ADGRL2: variants seen among roughly 807,000 people sequenced by gnomAD.
ADGRL2 encodes adhesion G protein-coupled receptor L2.
A neutral mutation model predicts 157.4 loss-of-function variants in ADGRL2; 44 were observed. The observed-to-expected ratio is 0.28, with a 90% CI of 0.22 to 0.36. ADGRL2 has a LOEUF of 0.36. ADGRL2 is among the 10% of genes least tolerant of loss of function. The pLI is 1.00. For synonymous variants in ADGRL2, 585 were observed against 624.7 expected (o/e 0.94, Z 0.95); for missense variants, 1,510 against 1,768.9 (o/e 0.85, Z 2.63).
intron 2 of ADGRL2, among the ~76,000 whole-genome samples, chr1:81,464,637 C>T (rs1399041834): frequency 6.6e-6 from 1 of 152,056 alleles, no homozygotes. Context: ...GTGCAGTGCC[C>T]ATCTGAGTTA....
chr1:81,408,981 G>C (rs1187813362), intron 1 of ADGRL2, among the ~76,000 whole-genome samples: 1 of 152,182 alleles, frequency 6.6e-6, no homozygotes, highest in African/African-American at 2.4e-5. Flanking sequence ...CTCCAGTTCT[G>C]TTAGAAGCAA....
intron 1 of ADGRL2, among the ~76,000 whole-genome samples, chr1:81,747,701 TTGTGTGTG>T (rs10556401): frequency 0.068 from 9,944 of 147,308 alleles, 398 homozygotes; most frequent in South Asian, 0.14. Context: ...CCTTTAATGT[TTGTGTGTG>T]TGTGTGTGTG....
At chr1:81,804,172 T>G (rs2088758423) in intron 1 of ADGRL2, among the ~76,000 whole-genome samples, 1 of 152,206 alleles carries the variant, frequency 6.6e-6, no homozygotes, top group South Asian at 2.1e-4. Context: ...TGAGAAACCC[T>G]TTAAAAGAAA....
At chr1:81,728,698 A>G (rs1396285398) in intron 1 of ADGRL2, among the ~76,000 whole-genome samples, 1 of 152,052 alleles carries the variant, frequency 6.6e-6, no homozygotes, top group Non-Finnish European at 1.5e-5. Flanking sequence ...CTCGCCGAGC[A>G]TCTGCTTTTA....
At chr1:81,905,286 G>A (rs1448414680) in intron 2 of ADGRL2, among the ~76,000 whole-genome samples, 2 of 151,920 alleles carry the variant, frequency 1.3e-5, no homozygotes, top group African/African-American at 2.4e-5. Context: ...TAGTAGAGAT[G>A]GGGTTTCACC....
At chr1:81,419,254 A>G (rs1283371768) in intron 1 of ADGRL2, among the ~76,000 whole-genome samples, 2 of 152,142 alleles carry the variant, frequency 1.3e-5, no homozygotes, top group Non-Finnish European at 2.9e-5. Flanking sequence ...CCCAGTCTGG[A>G]GTGCAGTGGC....
chr1:81,316,772 G>A (rs1326717083), intron 1 of ADGRL2, among the ~76,000 whole-genome samples: 4 of 152,270 alleles, frequency 2.6e-5, no homozygotes, highest in Admixed American at 2.6e-4. Context: ...TGTCTTTGCT[G>A]TGTATGTATG....
intron 1 of ADGRL2, among the ~76,000 whole-genome samples, chr1:81,328,061 T>C (rs1047446360): frequency 3.9e-5 from 6 of 152,088 alleles, no homozygotes; most frequent in African/African-American, 1.2e-4. Context: ...TTTTAGAAAG[T>C]AGTGTCCCAG....
intron 1 of ADGRL2, among the ~76,000 whole-genome samples, chr1:81,315,269 G>A (rs941520332): frequency 6.6e-6 from 1 of 152,156 alleles, no homozygotes; most frequent in African/African-American, 2.4e-5. Flanking sequence ...AATATCATTG[G>A]ATAAGTGGAA....
chr1:81,670,747 G>A lies in ADGRL2; in HGVS notation c.-143+89767G>A, dbSNP rs1002280830. Among the ~76,000 whole-genome samples the A allele has an allele frequency of 5.3e-5, 8 of 152,186 alleles. No homozygotes were observed. In the South Asian group the frequency reaches 6.2e-4, roughly 12 times the overall value. ...TTTCTTTATTTTGAGACAGGGTCTCGCTCTGTTGCCCAGGCTGGGTGCAAT... is the reference window on the plus strand; with the variant it reads ...TTTCTTTATTTTGAGACAGGGTCTCACTCTGTTGCCCAGGCTGGGTGCAAT... On this transcript the variant is annotated intron_variant, in intron 3 of 24. Transcript: ENST00000370721.
chr1:81,875,453 CAG>C (rs1297800968), intron 2 of ADGRL2, among the ~76,000 whole-genome samples: 4 of 152,226 alleles, frequency 2.6e-5, no homozygotes, highest in Admixed American at 6.5e-5. Flanking sequence ...TTTTGAGTGA[CAG>C]AAACATTATG....
At chr1:81,708,229 C>G (rs1390919155) in intron 1 of ADGRL2, among the ~76,000 whole-genome samples, 2 of 152,116 alleles carry the variant, frequency 1.3e-5, no homozygotes, top group African/African-American at 4.8e-5. Context: ...GAAATCATTA[C>G]CAAGAGAATG....
intron 1 of ADGRL2, among the ~76,000 whole-genome samples, chr1:81,721,023 T>C (rs2084294604): frequency 6.7e-6 from 1 of 150,074 alleles, no homozygotes; most frequent in South Asian, 2.1e-4. Flanking sequence ...ATATAAAATT[T>C]AAACAATTTC....
chr1:81,627,421 A>C (rs2081932359), intron 3 of ADGRL2, among the ~76,000 whole-genome samples: 2 of 152,116 alleles, frequency 1.3e-5, no homozygotes, highest in African/African-American at 2.4e-5. Flanking sequence ...CTGGACACTG[A>C]GGTAGGTTGA....
Position 81,466,415 on chromosome 1 carries a change from T to C in ADGRL2, c.-248+21326T>C, listed in dbSNP as rs138256553. ...GGCATTACAGCAGGGACAGTGCAATTTGAGGTCTCATAATGCCCAGCTTGA... is the reference window on the plus strand; with the variant it reads ...GGCATTACAGCAGGGACAGTGCAATCTGAGGTCTCATAATGCCCAGCTTGA... On this transcript the variant is annotated intron_variant, in intron 2 of 24. Transcript: ENST00000370721. 3.9e-5 allele frequency among the ~76,000 whole-genome samples: 6 copies of C among 152,304 alleles called. No individual in the cohort carries two copies. In the East Asian group the frequency reaches 1.2e-3, roughly 29 times the overall value.
intron 1 of ADGRL2, among the ~76,000 whole-genome samples, chr1:81,321,867 C>A (rs1378416822): frequency 6.6e-6 from 1 of 150,586 alleles, no homozygotes; most frequent in African/African-American, 2.4e-5. Context: ...ACTTGCTGGA[C>A]CAAAGTTTGC....
At chr1:81,922,207 A>G (rs1192378393) in intron 3 of ADGRL2, among the ~76,000 whole-genome samples, 2 of 152,128 alleles carry the variant, frequency 1.3e-5, no homozygotes, top group African/African-American at 4.8e-5. Context: ...GGGAAAAAAT[A>G]CTGTATGCTC....
chr1:81,725,776 T>G (rs1195701149), intron 1 of ADGRL2, among the ~76,000 whole-genome samples: 1 of 152,186 alleles, frequency 6.6e-6, no homozygotes, highest in Non-Finnish European at 1.5e-5. Context: ...CTTTTAGATT[T>G]TTAAATTCCA....
chr1:81,379,726 C>G (rs780941388), intron 1 of ADGRL2, among the ~76,000 whole-genome samples: 35 of 152,200 alleles, frequency 2.3e-4, no homozygotes, highest in Non-Finnish European at 1.5e-4. Flanking sequence ...ATGTTCTCTA[C>G]AAGTCCAGCC....
Sources: allele counts gnomAD v4.1 joint callset (sites outside exome capture counted in the v4.1 genomes callset), GRCh38; gene constraint gnomAD v4.1.1; transcripts MANE v1.5; gene names NCBI Gene and HGNC (gene_info 2026-07-23, HGNC 2026-07-21).